LOC128125818: variants seen among roughly 807,000 people sequenced by gnomAD.
chr4:6,067,394 C>T, the LOC128125818 span, among the ~76,000 whole-genome samples: 1 of 152,172 alleles, frequency 6.6e-6, no homozygotes, highest in African/African-American at 2.4e-5. The surrounding 1 kb of genome is among the most constrained non-coding windows in gnomAD (Gnocchi z 4.6). Flanking sequence ...AGACTATGGG[C>T]ACCATCAACT....
chr4:6,066,943 G>A, the LOC128125818 span, among the ~76,000 whole-genome samples: 1,282 of 151,506 alleles, frequency 8.5e-3, 11 homozygotes, highest in Middle Eastern at 0.034. Flanking sequence ...TTTGCGCTCC[G>A]AGACGCTCTT....
chr4:6,069,132 C>T, the LOC128125818 span, among the ~76,000 whole-genome samples: 1 of 152,104 alleles, frequency 6.6e-6, no homozygotes, highest in African/African-American at 2.4e-5. The surrounding 1 kb of genome is among the most constrained non-coding windows in gnomAD (Gnocchi z 4.5). Flanking sequence ...TCAAAAAATG[C>T]AGGAAATAAT....
the LOC128125818 span, among the ~76,000 whole-genome samples, chr4:6,067,763 C>A: frequency 7.2e-6 from 1 of 139,564 alleles, no homozygotes; most frequent in Admixed American, 7.1e-5. The surrounding 1 kb of genome is among the most constrained non-coding windows in gnomAD (Gnocchi z 4.6). Flanking sequence ...GGTCACCCCC[C>A]TGAGCTCCAC....
the LOC128125818 span, among the ~76,000 whole-genome samples, chr4:6,068,257 T>C: frequency 6.6e-6 from 1 of 152,188 alleles, no homozygotes; most frequent in South Asian, 2.1e-4. Context: ...TTGCCGCCTG[T>C]GTTTAAAGTA....
At chr4:6,065,633 A>G in the LOC128125818 span, among the ~76,000 whole-genome samples, 13 of 152,294 alleles carry the variant, frequency 8.5e-5, no homozygotes, top group African/African-American at 2.4e-4. The surrounding 1 kb of genome is among the most constrained non-coding windows in gnomAD (Gnocchi z 5.1). Flanking sequence ...TATTATAGAA[A>G]ACTGGGAAGA....
chr4:6,069,759 A>G, the LOC128125818 span, among the ~76,000 whole-genome samples: 19 of 152,038 alleles, frequency 1.2e-4, no homozygotes, highest in African/African-American at 4.6e-4. The surrounding 1 kb of genome is among the most constrained non-coding windows in gnomAD (Gnocchi z 4.5). Flanking sequence ...TCTCAAAAAA[A>G]AAAAAAAAAA....
the LOC128125818 span, among the ~76,000 whole-genome samples, chr4:6,065,768 A>G: frequency 6.6e-6 from 1 of 152,308 alleles, no homozygotes; most frequent in South Asian, 2.1e-4. The surrounding 1 kb of genome is among the most constrained non-coding windows in gnomAD (Gnocchi z 5.1). Flanking sequence ...CCCACTCCAA[A>G]TATCATAGGA....
At chr4:6,066,626 C>T in the LOC128125818 span, among the ~76,000 whole-genome samples, 5,141 of 152,188 alleles carry the variant, frequency 0.034, 94 homozygotes, top group South Asian at 0.082. Context: ...TGCCCAGGCC[C>T]CAATCCCAGG....
chr4:6,069,091 A>G, the LOC128125818 span, among the ~76,000 whole-genome samples: 1 of 152,228 alleles, frequency 6.6e-6, no homozygotes, highest in Non-Finnish European at 1.5e-5. This position sits in a 1 kb window ranked among gnomAD's most constrained non-coding sequence, Gnocchi z 4.5. Flanking sequence ...ATCTTCCTTG[A>G]AGGCAATGCA....
the LOC128125818 span, among the ~76,000 whole-genome samples, chr4:6,069,762 A>C: frequency 6.6e-6 from 1 of 151,990 alleles, no homozygotes. This position sits in a 1 kb window ranked among gnomAD's most constrained non-coding sequence, Gnocchi z 4.5. Context: ...CAAAAAAAAA[A>C]AAAAAAAGAT....
the LOC128125818 span, among the ~76,000 whole-genome samples, chr4:6,068,558 C>CTTT: frequency 1.0e-3 from 142 of 136,284 alleles, 1 homozygote; most frequent in Middle Eastern, 3.7e-3. Context: ...AATTTTTTAA[C>CTTT]TTTTTTTTTT....
chr4:6,065,065 AG>A, the LOC128125818 span: 4 of 1,609,094 alleles, frequency 2.5e-6, no homozygotes, highest in South Asian at 4.4e-5. This position sits in a 1 kb window ranked among gnomAD's most constrained non-coding sequence, Gnocchi z 5.1. Context: ...AGAGTCTACC[AG>A]TCCCTGGTCG....
At chr4:6,069,100 C>T in the LOC128125818 span, among the ~76,000 whole-genome samples, 2 of 152,234 alleles carry the variant, frequency 1.3e-5, no homozygotes. This position sits in a 1 kb window ranked among gnomAD's most constrained non-coding sequence, Gnocchi z 4.5. Flanking sequence ...GAAGGCAATG[C>T]AACTGGTTTT....
the LOC128125818 span, among the ~76,000 whole-genome samples, chr4:6,067,649 A>G: frequency 0.045 from 4,650 of 103,836 alleles, 132 homozygotes; most frequent in Middle Eastern, 0.12. The surrounding 1 kb of genome is among the most constrained non-coding windows in gnomAD (Gnocchi z 4.6). Flanking sequence ...TTCTGCACAC[A>G]CACACACAGG....
the LOC128125818 span, among the ~76,000 whole-genome samples, chr4:6,065,905 C>T: frequency 2.0e-5 from 3 of 152,200 alleles, no homozygotes; most frequent in Admixed American, 2.0e-4. This position sits in a 1 kb window ranked among gnomAD's most constrained non-coding sequence, Gnocchi z 5.1. Context: ...CAGGTCCCTG[C>T]CCCAAGGAGC....
the LOC128125818 span, among the ~76,000 whole-genome samples, chr4:6,069,224 T>A: frequency 6.6e-6 from 1 of 151,920 alleles, no homozygotes; most frequent in African/African-American, 2.4e-5. The surrounding 1 kb of genome is among the most constrained non-coding windows in gnomAD (Gnocchi z 4.5). Context: ...CAGTGGGCTT[T>A]AAAAAAAATG....
chr4:6,069,469 C>T, the LOC128125818 span, among the ~76,000 whole-genome samples: 2 of 152,198 alleles, frequency 1.3e-5, no homozygotes, highest in Non-Finnish European at 2.9e-5. This position sits in a 1 kb window ranked among gnomAD's most constrained non-coding sequence, Gnocchi z 4.5. Flanking sequence ...TCAGTTTTGG[C>T]CGGGCACAGT....
At chr4:6,068,557 A>AC in the LOC128125818 span, among the ~76,000 whole-genome samples, 1 of 87,830 alleles carries the variant, frequency 1.1e-5, no homozygotes, top group Admixed American at 1.8e-4. Flanking sequence ...AAATTTTTTA[A>AC]CTTTTTTTTT....
chr4:6,067,643 GCA>G, the LOC128125818 span, among the ~76,000 whole-genome samples: 17 of 117,346 alleles, frequency 1.4e-4, no homozygotes, highest in Non-Finnish European at 2.7e-4. This position sits in a 1 kb window ranked among gnomAD's most constrained non-coding sequence, Gnocchi z 4.6. Context: ...AAGCTCTTCT[GCA>G]CACACACACA....
Sources: allele counts gnomAD v4.1 joint callset (sites outside exome capture counted in the v4.1 genomes callset), GRCh38; gene constraint gnomAD v4.1.1; non-coding constraint Gnocchi (gnomAD v3.1); transcripts MANE v1.5.